GPT2: variants seen among roughly 807,000 people sequenced by gnomAD.
The protein encoded by GPT2 is alanine aminotransferase 2.
GPT2 carries 30 observed loss-of-function variants against 56.9 expected under a neutral mutation model. That is an observed-to-expected ratio of 0.53 (90% CI 0.39 to 0.72). The LOEUF (loss-of-function observed/expected upper bound fraction) is 0.72, where lower values mean the gene tolerates loss of function less well. GPT2 is among the 30% of genes least tolerant of loss of function. The pLI is 0.00. For missense variants in GPT2, 542 were observed against 703.4 expected (o/e 0.77, Z 2.60); for synonymous variants, 271 against 283.1 (o/e 0.96, Z 0.43).
Position 46,918,635 on chromosome 16 carries a change from C to G in GPT2, c.915C>G (p.Asn305Lys). The G allele has an allele frequency of 1.2e-6, 2 of 1,614,142 alleles. No homozygotes were observed. Among genetic ancestry groups the G allele is most frequent in the Non-Finnish European group, 1.7e-6 (2 of 1,179,996 alleles). The part of the protein sequence containing the change: ...FLLADEVYQD[N>K]VYSPDCRFHS... ...TGCCCCCGCAGGTGTACCAGGACAA[C>G]GTGTACTCTCCAGATTGCAGATTCC... Residue 305 changes from asparagine to lysine, a missense_variant, in exon 8 of 12, where the codon AAC becomes AAG. Physicochemically the swap from Asn to Lys is moderately conservative, Grantham distance 94. Coordinates refer to ENST00000340124, the MANE Select transcript of GPT2 (RefSeq NM_133443.4).
intron 2 of GPT2, among the ~76,000 whole-genome samples, chr16:46,894,964 C>T (rs1359339752): frequency 3.3e-5 from 5 of 152,106 alleles, no homozygotes; most frequent in East Asian, 1.9e-4. Flanking sequence ...CGCACCTGGC[C>T]GCCACTGAGA....
At chr16:46,902,688 C>T (rs1279845558) in intron 4 of GPT2, among the ~76,000 whole-genome samples, 5 of 152,194 alleles carry the variant, frequency 3.3e-5, no homozygotes, top group South Asian at 2.1e-4. Flanking sequence ...TGCGGTGGCA[C>T]GATCTTGGTT....
intron 2 of GPT2, among the ~76,000 whole-genome samples, chr16:46,889,391 A>G (rs1960545879): frequency 6.6e-6 from 1 of 151,174 alleles, no homozygotes; most frequent in African/African-American, 2.4e-5. Flanking sequence ...TTCAGAAGCT[A>G]GGACTACAGG....
chr16:46,919,011 C>T (rs1442553618), intron 8 of GPT2, among the ~76,000 whole-genome samples: 3 of 152,216 alleles, frequency 2.0e-5, no homozygotes, highest in Non-Finnish European at 2.9e-5. Context: ...TGGCAGCTTG[C>T]GACACCTGGT....
chr16:46,890,366 C>G (rs536235477), intron 2 of GPT2, among the ~76,000 whole-genome samples: 2 of 152,262 alleles, frequency 1.3e-5, no homozygotes, highest in African/African-American at 4.8e-5. Context: ...AGGCCTGGGA[C>G]CTGCGGGTCC....
Position 46,929,104 on chromosome 16 carries a change from C to G in GPT2, c.*107C>G. Reference sequence around the variant, plus strand: ...TCTGCCTCGGGCCTCGCAGAGGCCGCTGGTCACTTCGTCATCATTTTGCCC... The same window carrying G: ...TCTGCCTCGGGCCTCGCAGAGGCCGGTGGTCACTTCGTCATCATTTTGCCC... On this transcript the variant is annotated 3_prime_UTR_variant, in exon 12 of 12. Coordinates refer to ENST00000340124, the MANE Select transcript of GPT2 (RefSeq NM_133443.4). 2.5e-6 allele frequency: 2 copies of G among 795,736 alleles called. No individual in the cohort carries two copies. The highest frequency in any genetic ancestry group is 4.3e-6 in the Non-Finnish European group (2 of 463,288). The allele number at this position is 795,736 out of a possible 1,614,324, so 49.3% of individuals were successfully genotyped here.
intron 4 of GPT2, among the ~76,000 whole-genome samples, chr16:46,901,757 C>G (rs1960822170): frequency 6.6e-6 from 1 of 152,130 alleles, no homozygotes; most frequent in Non-Finnish European, 1.5e-5. Context: ...CCTGTGCTTA[C>G]CCTCCTGGCT....
intron 2 of GPT2, among the ~76,000 whole-genome samples, chr16:46,895,174 A>G (rs1452349903): frequency 6.6e-6 from 1 of 152,000 alleles, no homozygotes; most frequent in Non-Finnish European, 1.5e-5. Context: ...CCAGAAAAAC[A>G]TGTTTAGCTG....
chr16:46,912,690 G>A (rs1596876177), intron 6 of GPT2, among the ~76,000 whole-genome samples: 2 of 152,194 alleles, frequency 1.3e-5, no homozygotes, highest in South Asian at 2.1e-4. Context: ...CAGTCAAAGC[G>A]GAAGGTGAAG....
intron 5 of GPT2, 124 bp downstream of exon 5, chr16:46,907,099 GT>G: frequency 7.8e-7 from 1 of 1,286,500 alleles, no homozygotes; most frequent in Non-Finnish European, 1.1e-6. Flanking sequence ...CCACCCTCTG[GT>G]CCCCCAGCCC....
rs1476274475 is a variant in GPT2 at position 46,909,874 on chromosome 16, A to G, written c.767A>G (p.Lys256Arg). The G allele has an allele frequency of 6.2e-6, 10 of 1,613,982 alleles. No homozygotes were observed. The highest frequency in any genetic ancestry group is 8.5e-6 in the Non-Finnish European group (10 of 1,180,022). Reference sequence around the variant, plus strand: ...CTCCGGCGGGCGGTGCAGGAGGCCAAAGACCACTGTGATCCTAAGGTGCTC... The same window carrying G: ...CTCCGGCGGGCGGTGCAGGAGGCCAGAGACCACTGTGATCCTAAGGTGCTC... ...NELRRAVQEAKDHCDPKVLCI... is the reference protein window; with the variant it reads ...NELRRAVQEARDHCDPKVLCI... The change falls in exon 6 of 12, where the codon AAA becomes AGA. Residue 256 changes from lysine (K) to arginine (R), a missense_variant. Physicochemically the swap from Lys to Arg is conservative, Grantham distance 26. Transcript: ENST00000340124.
At chr16:46,923,462 CAAAA>C (rs1228938163) in intron 9 of GPT2, among the ~76,000 whole-genome samples, 1 of 151,824 alleles carries the variant, frequency 6.6e-6, no homozygotes, top group Non-Finnish European at 1.5e-5. Flanking sequence ...CGTTTAAAAA[CAAAA>C]AAAGTAGAGT....
intron 6 of GPT2, among the ~76,000 whole-genome samples, chr16:46,912,576 A>G (rs2143490661): frequency 6.6e-6 from 1 of 152,274 alleles, no homozygotes; most frequent in South Asian, 2.1e-4. Context: ...GAAATACCTG[A>G]GACTGGGTAA....
At chr16:46,915,653 C>T (rs976589811) in intron 6 of GPT2, 6 of 147,982 alleles carry the variant, frequency 4.1e-5, no homozygotes, top group Admixed American at 1.4e-4. Flanking sequence ...GCACACATTA[C>T]ACACCACACA....
chr16:46,890,372 G>A (rs1960563042), intron 2 of GPT2, among the ~76,000 whole-genome samples: 2 of 152,100 alleles, frequency 1.3e-5, no homozygotes, highest in African/African-American at 2.4e-5. Flanking sequence ...GGGACCTGCG[G>A]GTCCTCTCTC....
At chr16:46,890,752 A>C (rs1960569891) in intron 2 of GPT2, among the ~76,000 whole-genome samples, 1 of 152,244 alleles carries the variant, frequency 6.6e-6, no homozygotes, top group Non-Finnish European at 1.5e-5. Flanking sequence ...GTCAATTATT[A>C]ATACTCCATC....
At chr16:46,919,087 GACAA>G (rs1336337167) in intron 8 of GPT2, among the ~76,000 whole-genome samples, 1 of 152,258 alleles carries the variant, frequency 6.6e-6, no homozygotes, top group African/African-American at 2.4e-5. Flanking sequence ...AGATAGAGCA[GACAA>G]ACAGATGCTG....
chr16:46,910,889 G>A (rs1302307258), intron 6 of GPT2, among the ~76,000 whole-genome samples: 1 of 152,150 alleles, frequency 6.6e-6, no homozygotes, highest in Non-Finnish European at 1.5e-5. Flanking sequence ...ACCCAGCCAG[G>A]GTTGTATTGT....
intron 11 of GPT2, among the ~76,000 whole-genome samples, chr16:46,928,492 A>G (rs760106037): frequency 4.0e-5 from 6 of 151,352 alleles, no homozygotes; most frequent in Admixed American, 6.6e-5. Context: ...GCGTGGTGGC[A>G]GGCATCTGTA....
Sources: allele counts gnomAD v4.1 joint callset (sites outside exome capture counted in the v4.1 genomes callset), GRCh38; gene constraint gnomAD v4.1.1; transcripts MANE v1.5; gene names NCBI Gene and HGNC (gene_info 2026-07-23, HGNC 2026-07-21).